COL4A5: variants seen among roughly 807,000 people sequenced by gnomAD.
The protein encoded by COL4A5 is collagen type IV alpha 5 chain, also known as collagen alpha-5(IV) chain.
In COL4A5, 26 loss-of-function variants were observed where a neutral mutation model predicts 130.2. That is an observed-to-expected ratio of 0.20 (90% confidence interval 0.15 to 0.28). The LOEUF is 0.28. Ranked by LOEUF, COL4A5 falls within the 10% of genes least tolerant of loss-of-function variation. The pLI is 1.00. For synonymous variants in COL4A5, 496 were observed against 439.6 expected (o/e 1.13, Z -1.60); for missense variants, 1,131 against 1,344.3 (o/e 0.84, Z 2.48).
chrX:108,552,497 A>T (rs944792823), intron 2 of COL4A5, among the ~76,000 whole-genome samples: 1 of 112,155 alleles, frequency 8.9e-6, no homozygotes, highest in African/African-American at 3.2e-5. Flanking sequence ...TAATCTAACA[A>T]TGAAAAGTAG....
intron 36 of COL4A5, among the ~76,000 whole-genome samples, chrX:108,642,386 GCTGATGCTTT>G (rs1478275687): frequency 9.0e-6 from 1 of 111,119 alleles, no homozygotes; most frequent in African/African-American, 3.3e-5. Flanking sequence ...TACTACCACA[GCTGATGCTTT>G]CTGGAAAGTG....
At chrX:108,665,846 C>T (rs974087289) in intron 38 of COL4A5, among the ~76,000 whole-genome samples, 5 of 111,713 alleles carry the variant, frequency 4.5e-5, no homozygotes, top group African/African-American at 6.5e-5. Context: ...AGGTCAGGAG[C>T]TCGAGACTAG....
chrX:108,541,624 T>C (rs2065540885), intron 2 of COL4A5, among the ~76,000 whole-genome samples: 2 of 111,653 alleles, frequency 1.8e-5, no homozygotes, highest in Admixed American at 9.5e-5. Context: ...GGGAAACACA[T>C]TGGAAAGAGC....
intron 36 of COL4A5, among the ~76,000 whole-genome samples, chrX:108,628,694 G>A (rs868327456): frequency 8.9e-6 from 1 of 111,789 alleles, no homozygotes; most frequent in African/African-American, 3.2e-5. Flanking sequence ...CTCCCAGTCA[G>A]TTGTTTGTCT....
intron 1 of COL4A5, chrX:108,462,322 T>G (rs1167144339): frequency 8.9e-6 from 1 of 112,371 alleles, no homozygotes; most frequent in Non-Finnish European, 1.9e-5. Context: ...TTTTAAAATA[T>G]TTAATATTAG....
rs749562781 is a variant in COL4A5, at chrX:108,612,415, A to G, written c.2396-2496A>G. ...ACTTAGAAAACCCTAATAAATCTAC[A>G]AAAATTTACTAGAACTAAAAGGTGA... On this transcript the variant is annotated intron_variant, in intron 29 of 52. Transcript: ENST00000328300. Among the ~76,000 whole-genome samples the G allele has an allele frequency of 4.5e-5, 5 of 111,745 alleles. No homozygotes were observed. The South Asian group carries it at 1.8e-3, about 41-fold the overall frequency.
intron 1 of COL4A5, among the ~76,000 whole-genome samples, chrX:108,464,247 A>G (rs183421712): frequency 1.2e-3 from 137 of 111,749 alleles, no homozygotes; most frequent in African/African-American, 4.3e-3. Flanking sequence ...TCTTAGAAAC[A>G]CTTTTTTAGT....
At chrX:108,507,599 G>A (rs770448878) in intron 1 of COL4A5, among the ~76,000 whole-genome samples, 1 of 111,689 alleles carries the variant, frequency 9.0e-6, no homozygotes, top group East Asian at 2.8e-4. Flanking sequence ...ACAAGGTCAG[G>A]AGATCAAGAC....
chrX:108,625,917 C>T (rs1047296547), intron 35 of COL4A5, 123 bp downstream of exon 35: 1 of 551,534 alleles, frequency 1.8e-6, no homozygotes. Flanking sequence ...CTGAGGTAAT[C>T]AGTGGGTAGT....
chrX:108,583,428 G>T (rs1402260360), intron 17 of COL4A5, among the ~76,000 whole-genome samples: 1 of 111,549 alleles, frequency 9.0e-6, no homozygotes, highest in Non-Finnish European at 1.9e-5. Flanking sequence ...CATTTATTTA[G>T]TTACCTATTT....
At chrX:108,519,376 A>G (rs2065247120) in intron 1 of COL4A5, among the ~76,000 whole-genome samples, 1 of 111,510 alleles carries the variant, frequency 9.0e-6, no homozygotes, top group African/African-American at 3.2e-5. Context: ...CAATTTAAAA[A>G]GTACAGGTAG....
chrX:108,481,250 C>CTATG (rs200914449), intron 1 of COL4A5, among the ~76,000 whole-genome samples: 3,317 of 111,189 alleles, frequency 0.03, 119 homozygotes, highest in African/African-American at 0.1. Flanking sequence ...AAATATCTGA[C>CTATG]CATTTCCCTC....
intron 1 of COL4A5, among the ~76,000 whole-genome samples, chrX:108,502,060 G>T (rs1382069013): frequency 8.9e-6 from 1 of 112,035 alleles, no homozygotes; most frequent in Non-Finnish European, 1.9e-5. Context: ...TCAGTAGTAG[G>T]CAGTATGTTA....
At chrX:108,597,210 C>T in intron 23 of COL4A5, 142 bp downstream of exon 23, 3 of 752,301 alleles carry the variant, frequency 4.0e-6, no homozygotes, top group Non-Finnish European at 6.0e-6. Context: ...CTTGACTCTT[C>T]CTGACTCACA....
At chrX:108,596,351 C>G (rs1374896162) in intron 22 of COL4A5, among the ~76,000 whole-genome samples, 1 of 112,048 alleles carries the variant, frequency 8.9e-6, no homozygotes, top group African/African-American at 3.2e-5. Flanking sequence ...GAGTGCATCA[C>G]CTGGAGGGCT....
chrX:108,674,848 G>T, intron 43 of COL4A5, 95 bp downstream of exon 43: 1 of 894,746 alleles, frequency 1.1e-6, no homozygotes, highest in Non-Finnish European at 1.5e-6. Flanking sequence ...TAATTCAGAA[G>T]TCATTGGAGA....
intron 1 of COL4A5, among the ~76,000 whole-genome samples, chrX:108,495,688 C>CTCTGTGT (rs2065029521): frequency 8.9e-6 from 1 of 112,159 alleles, no homozygotes; most frequent in Non-Finnish European, 1.9e-5. Context: ...CAAAGGGCAA[C>CTCTGTGT]CTCAGCAGAG....
Position 108,498,304 on chromosome X carries a change from T to A in COL4A5, c.82-41442T>A, listed in dbSNP as rs758119391. ...ACCATTTTCAAAGATCATTTGACTT[T>A]ATTTGTCTGTGTCTAATTTTGGACT... On this transcript the variant is annotated intron_variant, in intron 1 of 52. Transcript: ENST00000328300. Among the ~76,000 whole-genome samples the A allele has an allele frequency of 1.1e-4, 12 of 111,665 alleles. No individual in the cohort carries two copies. In the South Asian group the frequency reaches 4.4e-3, roughly 41 times the overall value.
At chrX:108,620,617 A>G (rs1198164700) in intron 31 of COL4A5, among the ~76,000 whole-genome samples, 191 bp downstream of exon 31, 1 of 112,064 alleles carries the variant, frequency 8.9e-6, no homozygotes, top group Admixed American at 9.5e-5. Context: ...AGTTCCAGTT[A>G]TATATTACTG....
Sources: gnomAD v4.1 joint callset for allele counts (sites outside exome capture counted in the v4.1 genomes callset) on GRCh38, gnomAD v4.1.1 for gene constraint, MANE v1.5 for transcripts, NCBI Gene and HGNC (gene_info 2026-07-23, HGNC 2026-07-21) for gene names.